UTRN: variants seen among roughly 807,000 people sequenced by gnomAD.
The protein encoded by UTRN is dystrophin-related protein 1.
In UTRN, 283 loss-of-function variants were observed where a neutral mutation model predicts 463.9. The observed-to-expected ratio is 0.61, with a 90% CI of 0.55 to 0.67. The LOEUF is 0.67. Among genes scored for constraint, UTRN ranks in the 30% least tolerant of loss-of-function variants. The pLI, the probability that UTRN is intolerant of heterozygous loss-of-function variation, is 0.00. For missense variants in UTRN, 3,922 were observed against 4,084.3 expected (o/e 0.96, Z 1.08); for synonymous variants, 1,442 against 1,431.5 (o/e 1.01, Z -0.17).
At chr6:144,529,874 G>A (rs1199510465) in intron 41 of UTRN, among the ~76,000 whole-genome samples, 2 of 152,036 alleles carry the variant, frequency 1.3e-5, no homozygotes, top group African/African-American at 4.8e-5. Flanking sequence ...CAAAAAGATA[G>A]GAGAAAAAAT....
intron 53 of UTRN, among the ~76,000 whole-genome samples, chr6:144,703,387 A>G (rs1784779491): frequency 6.6e-6 from 1 of 152,200 alleles, no homozygotes. Context: ...AGTTAGAAGA[A>G]AGATCAGGAT....
intron 2 of UTRN, among the ~76,000 whole-genome samples, chr6:144,348,837 G>A (rs1361146350): frequency 6.6e-6 from 1 of 152,138 alleles, no homozygotes; most frequent in Non-Finnish European, 1.5e-5. Context: ...GGGAGGCTGA[G>A]GCAGGAGAAT....
Position 144,531,085 on chromosome 6 carries a change from G to C in UTRN, c.5940G>C (p.Gln1980His), listed in dbSNP as rs1797018072. Residue 1980 changes from glutamine (Q) to histidine (H), a missense_variant, in exon 42 of 75, where the codon CAG (glutamine) becomes CAC (histidine). By Grantham distance (24) the Gln-to-His change is conservative (BLOSUM62 0). Transcript: ENST00000367545. ...ACAGGGCAATGGAAGAATGGAGACAGTTCCATTGTGACCTTAATGACCTCA... is the reference window on the plus strand; with the variant it reads ...ACAGGGCAATGGAAGAATGGAGACACTTCCATTGTGACCTTAATGACCTCA... ...CFDRAMEEWRQFHCDLNDLTQ... is the reference protein window; with the variant it reads ...CFDRAMEEWRHFHCDLNDLTQ... The C allele has an allele frequency of 6.2e-7, 1 of 1,613,860 alleles. No individual in the cohort carries two copies. Among genetic ancestry groups the C allele is most frequent in the Admixed American group, 1.7e-5 (1 of 60,008 alleles).
chr6:144,301,965 G>T (rs1488544273), intron 2 of UTRN, among the ~76,000 whole-genome samples: 1 of 152,084 alleles, frequency 6.6e-6, no homozygotes, highest in Non-Finnish European at 1.5e-5. Context: ...CTTGTTTTGT[G>T]TTCTGGGCTT....
At chr6:144,753,942 A>G (rs1791686428) in intron 56 of UTRN, among the ~76,000 whole-genome samples, 1 of 152,122 alleles carries the variant, frequency 6.6e-6, no homozygotes, top group South Asian at 2.1e-4. Context: ...GCCTGTACAA[A>G]CTGAAATATA....
rs754645896 is a variant in UTRN at position 144,459,223 on chromosome 6, G to A, written c.2576G>A (p.Arg859His). The A allele has an allele frequency of 1.4e-5, 23 of 1,613,650 alleles. No homozygotes were observed. Among genetic ancestry groups the A allele is most frequent in the Admixed American group, 6.7e-5 (4 of 59,886 alleles). ...LGLHPKIEMA[R>H]ASCSALMSQP... ...CTTCACCCCAAAATTGAAATGGCTC[G>A]TGCAAGCTGCTCGGCCCTGATGTCT... Residue 859 changes from arginine (R) to histidine (H), a missense_variant, in exon 21 of 75, where the codon CGT becomes CAT. Physicochemically the swap from Arg to His is conservative, Grantham distance 29 (BLOSUM62 0). Around this residue, in one of 3 missense-constraint regions of UTRN, gnomAD observed 2,349 missense variants for 2,303.8 expected, o/e 1.02. Coordinates refer to ENST00000367545, the MANE Select transcript of UTRN (RefSeq NM_007124.3).
intron 62 of UTRN, among the ~76,000 whole-genome samples, chr6:144,793,283 T>A (rs1056455968): frequency 1.4e-5 from 2 of 148,066 alleles, no homozygotes; most frequent in African/African-American, 2.4e-5. Flanking sequence ...TGTGTTTTTT[T>A]ATTTTTTTTT....
At chr6:144,727,651 C>G (rs954337239) in intron 53 of UTRN, among the ~76,000 whole-genome samples, 3 of 152,108 alleles carry the variant, frequency 2.0e-5, no homozygotes, top group Non-Finnish European at 4.4e-5. Context: ...CCCAGCTACT[C>G]AGGAGGCTGA....
intron 3 of UTRN, among the ~76,000 whole-genome samples, chr6:144,407,829 G>C (rs1325988673): frequency 6.6e-6 from 1 of 152,124 alleles, no homozygotes; most frequent in Non-Finnish European, 1.5e-5. Context: ...TTGGAATTCA[G>C]GATCCTGAGA....
At chr6:144,624,426 C>G (rs902265560) in intron 51 of UTRN, among the ~76,000 whole-genome samples, 3 of 152,070 alleles carry the variant, frequency 2.0e-5, no homozygotes, top group Admixed American at 6.5e-5. Flanking sequence ...CAGCCAACAA[C>G]CGAAGAATGG....
At chr6:144,669,382 A>G (rs1780757139) in intron 51 of UTRN, among the ~76,000 whole-genome samples, 1 of 152,196 alleles carries the variant, frequency 6.6e-6, no homozygotes, top group South Asian at 2.1e-4. Flanking sequence ...GTCAAATTAT[A>G]CACAAATGCA....
At chr6:144,333,289 C>T (rs1361537126) in intron 2 of UTRN, 1 of 152,134 alleles carries the variant, frequency 6.6e-6, no homozygotes. Context: ...CAGACCTTCT[C>T]CCATTGATGG....
chr6:144,602,196 A>G (rs551774788), intron 51 of UTRN, among the ~76,000 whole-genome samples: 1 of 151,940 alleles, frequency 6.6e-6, no homozygotes, highest in East Asian at 1.9e-4. Flanking sequence ...CAGGGGTACG[A>G]TCTTGGCTCA....
chr6:144,374,052 A>AT (rs1780232740), intron 2 of UTRN, among the ~76,000 whole-genome samples: 1 of 152,046 alleles, frequency 6.6e-6, no homozygotes, highest in Admixed American at 6.6e-5. Context: ...GCATTTATAG[A>AT]TTTTTCTTCT....
chr6:144,555,033 G>T (rs542341894), intron 49 of UTRN, 140 bp downstream of exon 49: 1 of 1,083,852 alleles, frequency 9.2e-7, no homozygotes, highest in African/African-American at 1.6e-5. Flanking sequence ...TTTATATGAA[G>T]AATTTGATCT....
intron 52 of UTRN, among the ~76,000 whole-genome samples, chr6:144,692,641 C>T (rs933506032): frequency 6.6e-6 from 1 of 151,914 alleles, no homozygotes; most frequent in Non-Finnish European, 1.5e-5. Flanking sequence ...CTCTAATGAT[C>T]AGTGATGTTG....
At chr6:144,505,092 G>C (rs1326140604) in intron 34 of UTRN, among the ~76,000 whole-genome samples, 1 of 152,086 alleles carries the variant, frequency 6.6e-6, no homozygotes, top group Non-Finnish European at 1.5e-5. Context: ...ATTTCTGTGG[G>C]ATCATTGGTG....
intron 51 of UTRN, among the ~76,000 whole-genome samples, chr6:144,645,705 T>TG (rs1168065098): frequency 6.6e-6 from 1 of 152,128 alleles, no homozygotes; most frequent in Non-Finnish European, 1.5e-5. Flanking sequence ...ACGGGGCTGT[T>TG]GGGGCTCAAG....
At chr6:144,746,907 C>A (rs986377824) in intron 54 of UTRN, among the ~76,000 whole-genome samples, 1 of 152,240 alleles carries the variant, frequency 6.6e-6, no homozygotes, top group Admixed American at 6.5e-5. Flanking sequence ...ACTTCCACCA[C>A]TTAAGCAGCA....
Sources: gnomAD v4.1 joint callset for allele counts (sites outside exome capture counted in the v4.1 genomes callset) on GRCh38, gnomAD v4.1.1 for gene constraint, gnomAD v4.1.1 regional missense constraint, MANE v1.5 for transcripts, NCBI Gene and HGNC (gene_info 2026-07-23, HGNC 2026-07-21) for gene names.